Variants in CEP128 observed in about 807,000 individuals in gnomAD.
CEP128 encodes the protein centrosomal protein 128kDa.
A neutral mutation model predicts 156.7 loss-of-function variants in CEP128; 132 were observed. That is an observed-to-expected ratio of 0.84 (90% confidence interval 0.73 to 0.97). The LOEUF (loss-of-function observed/expected upper bound fraction) is 0.97, where lower values mean the gene tolerates loss of function less well. CEP128 is among the 50% of genes least tolerant of loss of function. CEP128 has a pLI of 0.00. For missense variants in CEP128, 1,252 were observed against 1,281.9 expected (o/e 0.98, Z 0.36); for synonymous variants, 469 against 448.9 (o/e 1.04, Z -0.57).
At chr14:80,888,214 G>T (rs769327419) in intron 8 of CEP128, among the ~76,000 whole-genome samples, 1 of 152,138 alleles carries the variant, frequency 6.6e-6, no homozygotes, top group Admixed American at 6.6e-5. Context: ...AGAGGAGCTG[G>T]TATCATTCCT....
rs7156887 is a variant in CEP128, at chr14:80,618,395, C to G, written c.2807-37972G>C. Among the ~76,000 whole-genome samples the G allele has an allele frequency of 2.0e-3, 305 of 152,338 alleles. 2 individuals carry two copies. The highest frequency in any genetic ancestry group is 7.1e-3 in the African/African-American group (297 of 41,592). On this transcript the variant is annotated intron_variant, in intron 19 of 24. Coordinates refer to ENST00000555265, the MANE Select transcript of CEP128 (RefSeq NM_152446.5). ...AGATAATATCAACACACAACATGAACAATTTAGCTAAGGCCTTCTGGCAAG... is the reference window on the plus strand; with the variant it reads ...AGATAATATCAACACACAACATGAAGAATTTAGCTAAGGCCTTCTGGCAAG...
Position 80,840,749 on chromosome 14 carries a change from G to C in CEP128, c.782C>G (p.Ala261Gly). 1 of 1,609,438 alleles carries C rather than the reference G, an allele frequency of 6.2e-7. No individual in the cohort carries two copies. Among genetic ancestry groups the C allele is most frequent in the South Asian group, 1.1e-5 (1 of 90,532 alleles). The change falls in exon 10 of 25, where the codon GCT becomes GGT. Residue 261 changes from alanine (A) to glycine (G), a missense_variant. Coordinates refer to ENST00000555265, the MANE Select transcript of CEP128 (RefSeq NM_152446.5). Reference sequence around the variant, plus strand: ...TGCCCCCTCATGCTCATCTGCTTTAGCTTCTTGTTTCTTTAGTGCCTGGAA... The same window carrying C: ...TGCCCCCTCATGCTCATCTGCTTTACCTTCTTGTTTCTTTAGTGCCTGGAA... ...QLQEALKKQE[A>G]KADEHEGAIK... is the part of the protein sequence containing the mutation.
intron 13 of CEP128, among the ~76,000 whole-genome samples, chr14:80,816,270 C>G (rs1363859804): frequency 3.5e-5 from 5 of 141,222 alleles, no homozygotes; most frequent in African/African-American, 1.3e-4. Flanking sequence ...ACAGTTTCCT[C>G]TCACCCTTGC....
At chr14:80,812,269 G>T (rs1286899786) in intron 13 of CEP128, among the ~76,000 whole-genome samples, 1 of 152,192 alleles carries the variant, frequency 6.6e-6, no homozygotes, top group Non-Finnish European at 1.5e-5. Flanking sequence ...ATTCCATGGT[G>T]TATATGTACC....
intron 13 of CEP128, among the ~76,000 whole-genome samples, chr14:80,812,438 T>C (rs1404329631): frequency 1.3e-5 from 2 of 152,194 alleles, no homozygotes; most frequent in Non-Finnish European, 2.9e-5. Flanking sequence ...GATTTCTGGG[T>C]TTAATGGTAG....
chr14:80,636,667 A>G (rs1894192372), intron 19 of CEP128, among the ~76,000 whole-genome samples: 1 of 152,090 alleles, frequency 6.6e-6, no homozygotes, highest in African/African-American at 2.4e-5. Context: ...GTTTCTCACC[A>G]TTTCCATTAC....
At chr14:80,727,688 C>T (rs1416252589) in intron 19 of CEP128, among the ~76,000 whole-genome samples, 1 of 152,020 alleles carries the variant, frequency 6.6e-6, no homozygotes, top group Non-Finnish European at 1.5e-5. Flanking sequence ...AAATAAACAA[C>T]CCCATTAAAA....
chr14:80,756,626 T>C (rs931643970), intron 18 of CEP128, among the ~76,000 whole-genome samples: 1 of 152,204 alleles, frequency 6.6e-6, no homozygotes, highest in Admixed American at 6.5e-5. Context: ...TTTGTCAATG[T>C]TCACATATAT....
intron 19 of CEP128, among the ~76,000 whole-genome samples, chr14:80,598,882 G>A (rs1892456882): frequency 6.6e-6 from 1 of 152,070 alleles, no homozygotes; most frequent in Non-Finnish European, 1.5e-5. Context: ...GAATGAGGGT[G>A]GAAGAGAAGT....
chr14:80,574,336 G>T (rs1891267213), intron 20 of CEP128, among the ~76,000 whole-genome samples: 1 of 152,068 alleles, frequency 6.6e-6, no homozygotes. Flanking sequence ...GCCCCACCCT[G>T]CATTTCTACC....
chr14:80,788,668 C>T (rs542359472), intron 14 of CEP128, among the ~76,000 whole-genome samples: 2 of 152,072 alleles, frequency 1.3e-5, no homozygotes, highest in Non-Finnish European at 2.9e-5. Context: ...TTGCTTCCAA[C>T]CACATAGCAA....
At chr14:80,919,143 G>C (rs761327119) in intron 2 of CEP128, among the ~76,000 whole-genome samples, 1 of 152,028 alleles carries the variant, frequency 6.6e-6, no homozygotes, top group Non-Finnish European at 1.5e-5. Context: ...ATGAGAACAA[G>C]GAACAAAATA....
At chr14:80,859,140 A>T (rs1210955571) in intron 9 of CEP128, among the ~76,000 whole-genome samples, 105 of 150,666 alleles carry the variant, frequency 7.0e-4, no homozygotes, top group African/African-American at 2.3e-3. Context: ...AAGACTTGGA[A>T]CCAACCCAAA....
chr14:80,617,225 T>TTC (rs1893256995), intron 19 of CEP128, among the ~76,000 whole-genome samples: 1 of 100,508 alleles, frequency 9.9e-6, no homozygotes, highest in Admixed American at 1.0e-4. Flanking sequence ...TCATCTTTTT[T>TTC]TTTTTTTTTT....
At chr14:80,588,750 A>G (rs1448909506) in intron 19 of CEP128, among the ~76,000 whole-genome samples, 1 of 152,100 alleles carries the variant, frequency 6.6e-6, no homozygotes, top group East Asian at 1.9e-4. Context: ...CCTTTCCTTA[A>G]AAACTTAATG....
At chr14:80,499,583 T>C (rs575583986) in intron 24 of CEP128, among the ~76,000 whole-genome samples, 14 of 152,368 alleles carry the variant, frequency 9.2e-5, no homozygotes, top group Middle Eastern at 3.4e-3. Context: ...TCAAACAGTT[T>C]TAGATTTACA....
intron 19 of CEP128, among the ~76,000 whole-genome samples, chr14:80,729,381 C>CACAT (rs1555395891): frequency 4.6e-5 from 7 of 150,734 alleles, no homozygotes; most frequent in Non-Finnish European, 1.0e-4. Flanking sequence ...CTATGGTATA[C>CACAT]ATATATATAT....
At chr14:80,908,882 C>G (rs1307427683) in intron 4 of CEP128, among the ~76,000 whole-genome samples, 1 of 152,186 alleles carries the variant, frequency 6.6e-6, no homozygotes. Context: ...CTTCTGTCAC[C>G]GTGAAGGCTG....
chr14:80,502,564 C>A (rs999230107), intron 24 of CEP128, among the ~76,000 whole-genome samples: 3 of 151,948 alleles, frequency 2.0e-5, no homozygotes, highest in African/African-American at 7.3e-5. Context: ...TTGTTTTCCA[C>A]CTTTCTGGTT....
Sources: allele counts gnomAD v4.1 joint callset (sites outside exome capture counted in the v4.1 genomes callset), GRCh38; gene constraint gnomAD v4.1.1; transcripts MANE v1.5; gene names NCBI Gene and HGNC (gene_info 2026-07-23, HGNC 2026-07-21).